KIAA1328: variants seen among roughly 807,000 people sequenced by gnomAD.
KIAA1328 encodes the protein KIAA1328.
In KIAA1328, 52 loss-of-function variants were observed where a neutral mutation model predicts 68.1. The ratio of observed to expected loss-of-function variants is 0.76; its 90% CI spans 0.61 to 0.96. The LOEUF (loss-of-function observed/expected upper bound fraction) is 0.96, where lower values mean the gene tolerates loss of function less well. Ranked by LOEUF, KIAA1328 falls within the 40% of genes least tolerant of loss-of-function variation. The pLI, the probability that KIAA1328 is intolerant of heterozygous loss-of-function variation, is 0.00. For missense variants in KIAA1328, 641 were observed against 677.6 expected, an observed-to-expected ratio of 0.95 and a Z score of 0.60; for synonymous variants, 232 against 239.4, an observed-to-expected ratio of 0.97 and a Z score of 0.28.
chr18:37,181,611 T>C (rs979616), intron 9 of KIAA1328, among the ~76,000 whole-genome samples: 39,921 of 152,074 alleles, frequency 0.26, 8,154 homozygotes, highest in African/African-American at 0.57. Context: ...ATAATAACGA[T>C]GTAGCAAATT....
intron 6 of KIAA1328, among the ~76,000 whole-genome samples, chr18:36,970,524 G>C (rs1446535658): frequency 5.3e-5 from 8 of 150,504 alleles, no homozygotes; most frequent in Non-Finnish European, 1.2e-4. Flanking sequence ...TTGTCTGTTT[G>C]CAGATGATAT....
chr18:37,160,959 A>G (rs1369411885), intron 8 of KIAA1328, among the ~76,000 whole-genome samples: 2 of 152,320 alleles, frequency 1.3e-5, no homozygotes, highest in Non-Finnish European at 2.9e-5. Context: ...TTTGTTTCCC[A>G]GTTGTTCCTG....
downstream of KIAA1328, chr18:37,231,298 A>G (rs1368976697): frequency 6.6e-6 from 1 of 152,242 alleles, no homozygotes; most frequent in South Asian, 2.1e-4. Flanking sequence ...CAAGTTGCCT[A>G]TATTCTCTAA....
At chr18:36,921,991 G>A (rs977615864) in intron 5 of KIAA1328, among the ~76,000 whole-genome samples, 37 of 151,498 alleles carry the variant, frequency 2.4e-4, no homozygotes, top group Admixed American at 1.4e-3. Context: ...GCAATGGCAC[G>A]ATCGTGGCTC....
chr18:37,021,287 G>T (rs2054336417), intron 6 of KIAA1328, among the ~76,000 whole-genome samples: 1 of 152,114 alleles, frequency 6.6e-6, no homozygotes, highest in Non-Finnish European at 1.5e-5. Flanking sequence ...TATGATCTGT[G>T]TACTTATTTG....
intron 4 of KIAA1328, among the ~76,000 whole-genome samples, chr18:36,869,142 G>T (rs2047858363): frequency 6.6e-6 from 1 of 150,544 alleles, no homozygotes; most frequent in Admixed American, 6.6e-5. Flanking sequence ...GGATTACATA[G>T]AAAATTTTAA....
intron 5 of KIAA1328, 110 bp from the exon 6 acceptor site, chr18:36,959,198 A>G: frequency 9.6e-7 from 1 of 1,039,672 alleles, no homozygotes; most frequent in Non-Finnish European, 1.3e-6. Context: ...CTCTCGCCAA[A>G]TATGATTGCA....
At chr18:36,902,208 A>G (rs980884472) in intron 5 of KIAA1328, 5 of 151,824 alleles carry the variant, frequency 3.3e-5, no homozygotes, top group Non-Finnish European at 1.5e-5. Flanking sequence ...CAATATTTTC[A>G]TCTCTTTATA....
chr18:36,992,451 C>CTTTTT (rs71168252), intron 6 of KIAA1328, among the ~76,000 whole-genome samples: 54 of 130,016 alleles, frequency 4.2e-4, no homozygotes, highest in African/African-American at 1.6e-3. Flanking sequence ...TCTTTTCTTT[C>CTTTTT]TTTTTTTTTT....
chr18:36,986,420 G>A (rs928983029), intron 6 of KIAA1328, among the ~76,000 whole-genome samples: 15 of 147,452 alleles, frequency 1.0e-4, no homozygotes, highest in African/African-American at 3.3e-4. Context: ...GGACATAGGC[G>A]TGGGCAAGGA....
intron 4 of KIAA1328, among the ~76,000 whole-genome samples, chr18:36,853,342 A>G (rs956409812): frequency 1.3e-5 from 2 of 152,200 alleles, no homozygotes; most frequent in South Asian, 4.1e-4. Flanking sequence ...ACTATTTTGC[A>G]TATGTGTATG....
intron 5 of KIAA1328, among the ~76,000 whole-genome samples, chr18:36,898,201 C>T (rs375830217): frequency 1.3e-5 from 2 of 151,982 alleles, no homozygotes; most frequent in South Asian, 2.1e-4. Context: ...CAGATGTTAT[C>T]TTCTATTTGA....
chr18:37,176,707 T>C (rs2059603473), intron 9 of KIAA1328, among the ~76,000 whole-genome samples: 1 of 152,198 alleles, frequency 6.6e-6, no homozygotes, highest in Non-Finnish European at 1.5e-5. Context: ...GAGCCTTGGC[T>C]CTAAAAGAAA....
At chr18:37,166,642 A>C (rs1334832500) in intron 8 of KIAA1328, among the ~76,000 whole-genome samples, 1 of 152,142 alleles carries the variant, frequency 6.6e-6, no homozygotes, top group Non-Finnish European at 1.5e-5. Flanking sequence ...CCTGTTCTCA[A>C]GGGATTGTTT....
At chr18:36,916,417 A>G (rs1468781528) in intron 5 of KIAA1328, among the ~76,000 whole-genome samples, 3 of 152,046 alleles carry the variant, frequency 2.0e-5, no homozygotes, top group African/African-American at 7.2e-5. Flanking sequence ...TCGATTTAAA[A>G]GTATCCATTT....
chr18:37,066,651 T>A (rs1014949967), intron 6 of KIAA1328, among the ~76,000 whole-genome samples: 1 of 152,226 alleles, frequency 6.6e-6, no homozygotes, highest in African/African-American at 2.4e-5. Context: ...TTAAGCAACA[T>A]GTAGCAGCAA....
intron 7 of KIAA1328, among the ~76,000 whole-genome samples, chr18:37,109,102 A>G (rs748920373): frequency 6.6e-6 from 1 of 152,262 alleles, no homozygotes; most frequent in Non-Finnish European, 1.5e-5. Context: ...TGCAAAGCAC[A>G]TGAACTCATC....
chr18:37,012,497 T>C (rs1382266390), intron 6 of KIAA1328, among the ~76,000 whole-genome samples: 1 of 152,198 alleles, frequency 6.6e-6, no homozygotes, highest in Non-Finnish European at 1.5e-5. Context: ...CTAATTGACT[T>C]CCACAGAGCT....
In KIAA1328 at chr18:37,113,770, C is replaced by T. The variant is rs150298086; in HGVS notation, c.1232+46225C>T. ...TGCTGTATTCAGGAGACCCATCTCA[C>T]GTTCAGAGACACACATAGGCTCAAA... is the stretch of plus-strand genomic sequence containing the variant. On this transcript the variant is annotated intron_variant, in intron 7 of 9. Transcript: ENST00000280020. Among the ~76,000 whole-genome samples, 316 of 152,216 alleles carry T rather than the reference C, an allele frequency of 2.1e-3. 1 individual carries two copies. Among genetic ancestry groups the T allele is most frequent in the African/African-American group, 7.2e-3 (298 of 41,514 alleles).
Sources: gnomAD v4.1 joint callset for allele counts (sites outside exome capture counted in the v4.1 genomes callset) on GRCh38, gnomAD v4.1.1 for gene constraint, MANE v1.5 for transcripts, NCBI Gene and HGNC (gene_info 2026-07-23, HGNC 2026-07-21) for gene names.